SLIT3: variants seen among roughly 807,000 people sequenced by gnomAD.
SLIT3 encodes the protein slit guidance ligand 3, also known as slit homolog 3 protein.
In SLIT3, 68 loss-of-function variants were observed where a neutral mutation model predicts 184.0. The observed-to-expected ratio is 0.37, with a 90% CI of 0.30 to 0.45. SLIT3 has a LOEUF of 0.45. SLIT3 is among the 20% of genes least tolerant of loss of function. The pLI, the probability that SLIT3 is intolerant of heterozygous loss-of-function variation, is 1.00. For missense variants in SLIT3, 1,707 were observed against 2,026.0 expected (o/e 0.84, Z 3.02); for synonymous variants, 831 against 828.6 (o/e 1.00, Z -0.05).
rs562009328 is a variant in SLIT3, at chr5:169,077,539, A to AAAAAAAC, written c.413+115933_413+115939dup. ...GGGTGACAGAGTGAGACCCCGTCTC[A>AAAAAAAC]AAAAAACAAAAAACAAAAAACAAAA... On this transcript the variant is annotated intron_variant, in intron 4 of 35. Coordinates refer to ENST00000519560, the MANE Select transcript of SLIT3 (RefSeq NM_003062.4). 6.4e-3 allele frequency among the ~76,000 whole-genome samples: 957 copies of AAAAAAAC among 149,700 alleles called. 14 individuals are homozygous for AAAAAAAC. Among genetic ancestry groups the AAAAAAAC allele is most frequent in the African/African-American group, 0.023 (880 of 39,110 alleles).
At chr5:168,752,681 C>T (rs2113471033) in intron 18 of SLIT3, 1 of 432,300 alleles carries the variant, frequency 2.3e-6, no homozygotes, top group African/African-American at 2.0e-5. Context: ...AGGCGTGAGC[C>T]ACCATGCCTG....
Position 168,907,734 on chromosome 5 carries a change from A to G in SLIT3, c.414-24398T>C, listed in dbSNP as rs372258171. 3.3e-5 allele frequency among the ~76,000 whole-genome samples: 5 copies of G among 152,036 alleles called. No individual in the cohort carries two copies. In the East Asian group the frequency reaches 9.7e-4, roughly 29 times the overall value. On this transcript the variant is annotated intron_variant, in intron 4 of 35. Coordinates refer to ENST00000519560, the MANE Select transcript of SLIT3 (RefSeq NM_003062.4). ...TTTTCTGTTCAAAATAACCACTGTA[A>G]ATATTTTGCTTATTTCTTTCAGTCT... is the stretch of plus-strand genomic sequence containing the variant.
intron 3 of SLIT3, among the ~76,000 whole-genome samples, chr5:169,221,396 A>G (rs556790301): frequency 1.2e-4 from 18 of 152,312 alleles, no homozygotes; most frequent in Admixed American, 5.2e-4. Flanking sequence ...ACTGGGCAGA[A>G]TCGTGGACAT....
chr5:168,724,468 G>C lies in SLIT3; in HGVS notation c.2287C>G (p.His763Asp). The change falls in exon 21 of 36, where the codon CAC (histidine) becomes GAC (aspartate). Residue 763 changes from histidine to aspartate, a missense_variant. His to Asp is a moderately conservative substitution (Grantham distance 81, BLOSUM62 -1). Coordinates refer to ENST00000519560, the MANE Select transcript of SLIT3 (RefSeq NM_003062.4). The part of the protein sequence containing the change: ...DVTELYLEGN[H>D]LTAVPRELSA... ...AGCTCTCTGGGCACGGCTGTTAGGT[G>C]GTTTCCTTCCAGGTACCTGAAAGAG... 1.2e-6 allele frequency: 2 copies of C among 1,613,014 alleles called. No homozygotes were observed. The highest frequency in any genetic ancestry group is 2.2e-5 in the South Asian group (2 of 90,994).
intron 4 of SLIT3, among the ~76,000 whole-genome samples, chr5:168,965,947 G>A (rs1024509448): frequency 6.6e-6 from 1 of 152,216 alleles, no homozygotes; most frequent in Non-Finnish European, 1.5e-5. Context: ...AGACCTCAGA[G>A]CTGAGTATCT....
intron 1 of SLIT3, among the ~76,000 whole-genome samples, chr5:169,276,278 G>A (rs1766803113): frequency 6.6e-6 from 1 of 152,028 alleles, no homozygotes; most frequent in Non-Finnish European, 1.5e-5. Flanking sequence ...TGCCAGCTGC[G>A]ACTCTGCTCA....
intron 4 of SLIT3, among the ~76,000 whole-genome samples, chr5:168,967,377 A>G (rs1012225589): frequency 1.9e-4 from 28 of 150,660 alleles, no homozygotes; most frequent in Non-Finnish European, 3.1e-4. Flanking sequence ...TAAATATATA[A>G]CACTTGCGTC....
chr5:169,105,395 C>T (rs966614528), intron 4 of SLIT3, among the ~76,000 whole-genome samples: 2 of 152,170 alleles, frequency 1.3e-5, no homozygotes, highest in African/African-American at 2.4e-5. Flanking sequence ...ACCCAAGGTA[C>T]GACTTCTCGC....
At chr5:168,723,566 CT>C (rs1376968551) in intron 21 of SLIT3, among the ~76,000 whole-genome samples, 1 of 152,154 alleles carries the variant, frequency 6.6e-6, no homozygotes, top group African/African-American at 2.4e-5. Context: ...TGTTTTAGTA[CT>C]TTTTTCCCCT....
At chr5:168,776,433 C>T (rs147675389) in intron 12 of SLIT3, among the ~76,000 whole-genome samples, 124 of 152,306 alleles carry the variant, frequency 8.1e-4, no homozygotes, top group African/African-American at 2.6e-3. Flanking sequence ...GCTTTCCCAA[C>T]GTCCCATTAT....
chr5:168,851,184 G>A (rs533451022), intron 5 of SLIT3, among the ~76,000 whole-genome samples: 10 of 152,066 alleles, frequency 6.6e-5, no homozygotes, highest in African/African-American at 1.2e-4. Flanking sequence ...TTAGCCGGGC[G>A]TGGTGGCGGG....
At chr5:169,008,497 G>A (rs1489821205) in intron 4 of SLIT3, among the ~76,000 whole-genome samples, 11 of 152,190 alleles carry the variant, frequency 7.2e-5, no homozygotes, top group Admixed American at 7.2e-4. Context: ...TTGGGCAGGT[G>A]GGCCCAGACG....
intron 4 of SLIT3, among the ~76,000 whole-genome samples, chr5:168,932,286 C>T (rs1581222044): frequency 7.2e-6 from 1 of 138,160 alleles, no homozygotes; most frequent in East Asian, 2.1e-4. Context: ...GTACAAGGCA[C>T]TATATATTTC....
chr5:169,189,560 A>G (rs1424643423), intron 4 of SLIT3, among the ~76,000 whole-genome samples: 1 of 80,838 alleles, frequency 1.2e-5, no homozygotes, highest in Non-Finnish European at 2.5e-5. Flanking sequence ...ATATATATAT[A>G]TATATATATA....
intron 4 of SLIT3, among the ~76,000 whole-genome samples, chr5:169,015,716 C>T (rs910424829): frequency 3.9e-5 from 6 of 151,924 alleles, no homozygotes; most frequent in African/African-American, 1.5e-4. Context: ...GAATACAAGA[C>T]CAGCCTGGGC....
chr5:168,919,077 G>A (rs571216202), intron 4 of SLIT3, among the ~76,000 whole-genome samples: 86 of 152,046 alleles, frequency 5.7e-4, no homozygotes, highest in African/African-American at 2.0e-3. Flanking sequence ...TGGCTGACAC[G>A]GTGAAACCCC....
At chr5:168,836,442 C>T (rs1009212890) in intron 6 of SLIT3, among the ~76,000 whole-genome samples, 6 of 152,310 alleles carry the variant, frequency 3.9e-5, no homozygotes, top group African/African-American at 1.2e-4. Flanking sequence ...CACAGAAGCC[C>T]GGTCTTAGGA....
intron 17 of SLIT3, 23 bp from the exon 18 acceptor site, chr5:168,753,121 G>T: frequency 1.2e-6 from 2 of 1,613,174 alleles, no homozygotes; most frequent in Non-Finnish European, 1.7e-6. Flanking sequence ...GGGTGGGGAT[G>T]AGAGAGCACA....
At chr5:169,005,043 T>C (rs923760848) in intron 4 of SLIT3, among the ~76,000 whole-genome samples, 2 of 152,230 alleles carry the variant, frequency 1.3e-5, no homozygotes, top group Non-Finnish European at 2.9e-5. Context: ...TCTATTGGTG[T>C]CATGTTTTCC....
Sources: allele counts gnomAD v4.1 joint callset (sites outside exome capture counted in the v4.1 genomes callset), GRCh38; gene constraint gnomAD v4.1.1; transcripts MANE v1.5; gene names NCBI Gene and HGNC (gene_info 2026-07-23, HGNC 2026-07-21).